KLF6: variants seen among roughly 807,000 people sequenced by gnomAD.
KLF6 encodes the protein KLF transcription factor 6, also known as Krueppel-like factor 6.
For synonymous variants in KLF6, 152 were observed against 147.9 expected, an observed-to-expected ratio of 1.03 and a Z score of -0.20; for missense variants, 233 against 359.8, an observed-to-expected ratio of 0.65 and a Z score of 2.85.
At position 3,776,603 on chromosome 10, in the gene KLF6, G is replaced by C; in HGVS notation, c.*2936C>G. 1 of 490,672 alleles carries C rather than the reference G, an allele frequency of 2.0e-6. No individual in the cohort carries two copies. Among genetic ancestry groups the C allele is most frequent in the Non-Finnish European group, 3.9e-6 (1 of 257,900 alleles). 30.4% of individuals were successfully genotyped at this position (490,672 alleles called of 1,614,324 possible). On this transcript the variant is annotated 3_prime_UTR_variant, in exon 4 of 4. Transcript: ENST00000497571. The stretch of plus-strand genomic sequence containing the variant: ...TTCCAATAAAAAATACATTCATACA[G>C]AAATATAACAATCTTGCAAAAAACA...
rs1832443083 is a variant in KLF6, at chr10:3,778,373, G to C, written c.*1166C>G. On this transcript the variant is annotated 3_prime_UTR_variant, in exon 4 of 4. Transcript: ENST00000497571. ...AGGCATAAATAAGAGAAACATAGCT[G>C]CATGAGAAAACAGTTTCTAAGCGTT... 2 of 524,382 alleles carry C rather than the reference G, an allele frequency of 3.8e-6. No homozygotes were observed. The allele number at this position is 524,382 out of a possible 1,614,324, so 32.5% of individuals were successfully genotyped here. A position where few individuals can be genotyped will look rare whatever the true frequency, so the allele number is the denominator to read the frequency against.
In KLF6 at chr10:3,776,432, G is replaced by A; in HGVS notation, c.*3107C>T. 1.9e-6 allele frequency: 1 copy of A among 532,194 alleles called. No individual in the cohort carries two copies. Among genetic ancestry groups the A allele is most frequent in the South Asian group, 1.5e-5 (1 of 65,148 alleles). 33.0% of individuals were successfully genotyped at this position (532,194 alleles called of 1,614,324 possible). On this transcript the variant is annotated 3_prime_UTR_variant, in exon 4 of 4. Coordinates refer to ENST00000497571, the MANE Select transcript of KLF6 (RefSeq NM_001300.6). ...TGGAAAGAGGAAGGGGCTGAGGTCG[G>A]TGAGTTGTTCTCAGGGTTGCTCAAT...
At position 3,781,464 on chromosome 10, in the gene KLF6, T is replaced by C. The variant is rs771208285; in HGVS notation, c.676+177A>G. 8 of 1,544,110 alleles carry C rather than the reference T, an allele frequency of 5.2e-6. No homozygotes were observed. The highest frequency in any genetic ancestry group is 4.1e-5 in the African/African-American group (3 of 72,594). On this transcript the variant is annotated intron_variant, in intron 2 of 3. Coordinates refer to ENST00000497571, the MANE Select transcript of KLF6 (RefSeq NM_001300.6). This position sits in a 1 kb window ranked among gnomAD's most constrained non-coding sequence, Gnocchi z 5.8. ...TTATCCAACTCAAAAGTCCAGTCTT[T>C]AGGATTCTACTCTGAACTCCAAAAA...
rs541713316 is a variant in KLF6, at chr10:3,782,554, C to T, written c.103-340G>A. Reference sequence around the variant, plus strand: ...TCTCATGAAACCAGAGGAAGAGAACCGGCCCCATACACATACTCCTCCCCA... The same window carrying T: ...TCTCATGAAACCAGAGGAAGAGAACTGGCCCCATACACATACTCCTCCCCA... On this transcript the variant is annotated intron_variant, in intron 1 of 3. Coordinates refer to ENST00000497571, the MANE Select transcript of KLF6 (RefSeq NM_001300.6). The surrounding 1 kb of genome is among the most constrained non-coding windows in gnomAD (Gnocchi z 4.3). Among the ~76,000 whole-genome samples the T allele has an allele frequency of 3.9e-5, 6 of 152,278 alleles. No individual in the cohort carries two copies. The South Asian group carries it at 8.3e-4, about 21-fold the overall frequency.
chr10:3,783,586 T>C (rs1286607912), intron 1 of KLF6, among the ~76,000 whole-genome samples: 2 of 152,226 alleles, frequency 1.3e-5, no homozygotes, highest in East Asian at 3.8e-4. Context: ...GGGAGAATCA[T>C]GCTTTCCCCT....
In KLF6 at chr10:3,785,132, A is replaced by T. The variant is rs1832623235; in HGVS notation, c.-118T>A. The T allele has an allele frequency of 2.6e-6, 4 of 1,544,944 alleles. No homozygotes were observed. Among genetic ancestry groups the T allele is most frequent in the African/African-American group, 1.4e-5 (1 of 73,206 alleles). ...AGTTTCATGCAAACTCCAGGCTCGC[A>T]GAGACGCCCGGCCGGACCCTCCCGC... is the stretch of plus-strand genomic sequence containing the variant. On this transcript the variant is annotated 5_prime_UTR_variant, in exon 1 of 4. Coordinates refer to ENST00000497571, the MANE Select transcript of KLF6 (RefSeq NM_001300.6).
At position 3,777,291 on chromosome 10, in the gene KLF6, G is replaced by A. The variant is rs1832409904; in HGVS notation, c.*2248C>T. The A allele has an allele frequency of 1.9e-6, 1 of 515,398 alleles. No individual in the cohort carries two copies. The highest frequency in any genetic ancestry group is 1.9e-5 in the African/African-American group (1 of 52,690). The allele number at this position is 515,398 out of a possible 1,614,324, so 31.9% of individuals were successfully genotyped here. The stretch of plus-strand genomic sequence containing the variant: ...TGAAATATCAGCTGTCCACGCCGTG[G>A]TATGCCAATTCGGGGAAATTACTCC... On this transcript the variant is annotated 3_prime_UTR_variant, in exon 4 of 4. Coordinates refer to ENST00000497571, the MANE Select transcript of KLF6 (RefSeq NM_001300.6).
At position 3,782,345 on chromosome 10, in the gene KLF6, C is replaced by CTTT. The variant is rs1465790381; in HGVS notation, c.103-134_103-132dup. 1.3e-6 allele frequency: 1 copy of CTTT among 742,412 alleles called. No individual in the cohort carries two copies. Among genetic ancestry groups the CTTT allele is most frequent in the East Asian group, 2.7e-5 (1 of 37,464 alleles). The allele number at this position is 742,412 out of a possible 1,614,324, so 46.0% of individuals were successfully genotyped here. A position where few individuals can be genotyped will look rare whatever the true frequency, so the allele number is the denominator to read the frequency against. ...TGCCCGGTCACTACAGGGGCAAAAC[C>CTTT]TTTTGTAATTAAGCATCCGTGTCCT... On this transcript the variant is annotated intron_variant, in intron 1 of 3. Coordinates refer to ENST00000497571, the MANE Select transcript of KLF6 (RefSeq NM_001300.6). This position sits in a 1 kb window ranked among gnomAD's most constrained non-coding sequence, Gnocchi z 4.3.
rs1832472632 is a variant in KLF6, at chr10:3,779,425, G to A, written c.*114C>T. The A allele has an allele frequency of 1.1e-6, 1 of 911,754 alleles. No individual in the cohort carries two copies. Among genetic ancestry groups the A allele is most frequent in the African/African-American group, 1.6e-5 (1 of 61,448 alleles). 56.5% of individuals were successfully genotyped at this position (911,754 alleles called of 1,614,324 possible). On this transcript the variant is annotated 3_prime_UTR_variant, in exon 4 of 4. Coordinates refer to ENST00000497571, the MANE Select transcript of KLF6 (RefSeq NM_001300.6). ...GACCTTCCAAGGAGAGGCCCTGGAG[G>A]CAACTGGGTAGGGTGCAGAACGGCA...
In KLF6 at chr10:3,776,808, T is replaced by C; in HGVS notation, c.*2731A>G. The C allele has an allele frequency of 1.9e-6, 1 of 522,300 alleles. No individual in the cohort carries two copies. The highest frequency in any genetic ancestry group is 4.1e-5 in the East Asian group (1 of 24,418). 32.4% of individuals were successfully genotyped at this position (522,300 alleles called of 1,614,324 possible). A position where few individuals can be genotyped will look rare whatever the true frequency, so the allele number is the denominator to read the frequency against. ...AGTTATCACCTGAACAGAATGTACT[T>C]CTTTATGTACGTGCTAATTATGAAA... On this transcript the variant is annotated 3_prime_UTR_variant, in exon 4 of 4. Transcript: ENST00000497571.
rs1253590838 is a variant in KLF6, at chr10:3,780,010, C to G, written c.800+96G>C. On this transcript the variant is annotated intron_variant, in intron 3 of 3. Transcript: ENST00000497571. This position sits in a 1 kb window ranked among gnomAD's most constrained non-coding sequence, Gnocchi z 4.6. Reference sequence around the variant, plus strand: ...ATGTTCACACATAGGAAACTGCATGCCTTCCTTCGAATGTGCCCTGCACAC... The same window carrying G: ...ATGTTCACACATAGGAAACTGCATGGCTTCCTTCGAATGTGCCCTGCACAC... 3.4e-6 allele frequency: 5 copies of G among 1,464,550 alleles called. No individual in the cohort carries two copies. In the African/African-American group the frequency reaches 6.9e-5, roughly 20 times the overall value. 90.7% of individuals were successfully genotyped at this position (1,464,550 alleles called of 1,614,324 possible). A position where few individuals can be genotyped will look rare whatever the true frequency, so the allele number is the denominator to read the frequency against.
At chr10:3,784,773 G>A in intron 1 of KLF6, 140 bp downstream of exon 1, 2 of 745,170 alleles carry the variant, frequency 2.7e-6, no homozygotes, top group East Asian at 3.3e-5. Context: ...ATCGATCGGC[G>A]GGGGCGCTGC....
In KLF6 at chr10:3,782,337, G is replaced by A. The variant is rs1179542978; in HGVS notation, c.103-123C>T. On this transcript the variant is annotated intron_variant, in intron 1 of 3. Coordinates refer to ENST00000497571, the MANE Select transcript of KLF6 (RefSeq NM_001300.6). This position sits in a 1 kb window ranked among gnomAD's most constrained non-coding sequence, Gnocchi z 4.3. ...AACATTGCTGCCCGGTCACTACAGGGGCAAAACCTTTTGTAATTAAGCATC... is the reference window on the plus strand; with the variant it reads ...AACATTGCTGCCCGGTCACTACAGGAGCAAAACCTTTTGTAATTAAGCATC... The A allele has an allele frequency of 1.3e-6, 1 of 776,790 alleles. No individual in the cohort carries two copies. The highest frequency in any genetic ancestry group is 1.7e-5 in the African/African-American group (1 of 58,590). 48.1% of individuals were successfully genotyped at this position (776,790 alleles called of 1,614,324 possible).
Position 3,777,894 on chromosome 10 carries a change from C to A in KLF6, c.*1645G>T, listed in dbSNP as rs1171551809. 1 of 490,020 alleles carries A rather than the reference C, an allele frequency of 2.0e-6. No homozygotes were observed. Among genetic ancestry groups the A allele is most frequent in the African/African-American group, 1.9e-5 (1 of 51,390 alleles). 30.4% of individuals were successfully genotyped at this position (490,020 alleles called of 1,614,324 possible). A position where few individuals can be genotyped will look rare whatever the true frequency, so the allele number is the denominator to read the frequency against. ...CTAGACAGATATGTGAAACTTGTGC[C>A]TTTTAAGCAAATACATTAACATTGG... On this transcript the variant is annotated 3_prime_UTR_variant, in exon 4 of 4. Transcript: ENST00000497571.
In KLF6 at chr10:3,779,383, C is replaced by T. The variant is rs1383147577; in HGVS notation, c.*156G>A. ...GGTGCTATGCCGCTTCTTACAGGACCTTTTTAGCCCTCAAAAGACCTTCCA... is the reference window on the plus strand; with the variant it reads ...GGTGCTATGCCGCTTCTTACAGGACTTTTTTAGCCCTCAAAAGACCTTCCA... On this transcript the variant is annotated 3_prime_UTR_variant, in exon 4 of 4. Coordinates refer to ENST00000497571, the MANE Select transcript of KLF6 (RefSeq NM_001300.6). 2.8e-6 allele frequency: 2 copies of T among 718,516 alleles called. No homozygotes were observed. Among genetic ancestry groups the T allele is most frequent in the South Asian group, 1.5e-5 (1 of 67,200 alleles). The allele number at this position is 718,516 out of a possible 1,614,324, so 44.5% of individuals were successfully genotyped here.
At position 3,780,465 on chromosome 10, in the gene KLF6, G is replaced by GT; in HGVS notation, c.677-237dup. 1 of 583,794 alleles carries GT rather than the reference G, an allele frequency of 1.7e-6. No individual in the cohort carries two copies. The highest frequency in any genetic ancestry group is 3.1e-6 in the Non-Finnish European group (1 of 323,300). 36.2% of individuals were successfully genotyped at this position (583,794 alleles called of 1,614,324 possible). ...CAGCTTCAGCCAAGCCCATGGTGCT[G>GT]TCATCAAAGTTAACGTGGAAGAACG... On this transcript the variant is annotated intron_variant, in intron 2 of 3. Transcript: ENST00000497571. This position sits in a 1 kb window ranked among gnomAD's most constrained non-coding sequence, Gnocchi z 4.6.
rs937522199 is a variant in KLF6 at position 3,776,888 on chromosome 10, C to T, written c.*2651G>A. The stretch of plus-strand genomic sequence containing the variant: ...GCCCCACCCAGGCAAACAGCTCCGA[C>T]ATGTTTCGTAAGTGAGACAAGCCAG... On this transcript the variant is annotated 3_prime_UTR_variant, in exon 4 of 4. Coordinates refer to ENST00000497571, the MANE Select transcript of KLF6 (RefSeq NM_001300.6). 3.3e-5 allele frequency: 17 copies of T among 520,088 alleles called. No individual in the cohort carries two copies. Among genetic ancestry groups the T allele is most frequent in the African/African-American group, 3.2e-4 (17 of 52,374 alleles). The allele number at this position is 520,088 out of a possible 1,614,324, so 32.2% of individuals were successfully genotyped here.
intron 1 of KLF6, 119 bp downstream of exon 1, chr10:3,784,794 C>T (rs926089212): frequency 1.1e-6 from 1 of 944,154 alleles, no homozygotes; most frequent in Admixed American, 3.9e-5. Flanking sequence ...GCCCGCTCCC[C>T]CGGTGACAGC....
chr10:3,781,294 C>A lies in KLF6; in HGVS notation c.676+347G>T. ...TCATTTAGGAAACCCCAGGGCCGCT[C>A]GAGGTAGCCTCGTGCGAGTGCACTG... is the stretch of plus-strand genomic sequence containing the variant. On this transcript the variant is annotated intron_variant, in intron 2 of 3. Transcript: ENST00000497571. This position sits in a 1 kb window ranked among gnomAD's most constrained non-coding sequence, Gnocchi z 5.8. 1.2e-6 allele frequency: 1 copy of A among 857,356 alleles called. No individual in the cohort carries two copies. The highest frequency in any genetic ancestry group is 1.7e-6 in the Non-Finnish European group (1 of 578,120). 53.1% of individuals were successfully genotyped at this position (857,356 alleles called of 1,614,324 possible). A position where few individuals can be genotyped will look rare whatever the true frequency, so the allele number is the denominator to read the frequency against.
Sources: allele counts gnomAD v4.1 joint callset (sites outside exome capture counted in the v4.1 genomes callset), GRCh38; gene constraint gnomAD v4.1.1; non-coding constraint Gnocchi (gnomAD v3.1); transcripts MANE v1.5; gene names NCBI Gene and HGNC (gene_info 2026-07-23, HGNC 2026-07-21).